Variants in PAMR1 observed in about 807,000 individuals in gnomAD.
The protein encoded by PAMR1 is inactive serine protease PAMR1.
PAMR1 carries 88 observed loss-of-function variants against 81.8 expected under a neutral mutation model. The observed-to-expected ratio is 1.08, with a 90% confidence interval of 0.91 to 1.28. The LOEUF (loss-of-function observed/expected upper bound fraction) is 1.28, where lower values mean the gene tolerates loss of function less well. Ranked by LOEUF, PAMR1 falls within the 50% of genes most tolerant of loss-of-function variation. PAMR1 has a pLI of 0.00. For missense variants in PAMR1, 935 were observed against 919.7 expected (o/e 1.02, Z -0.21); for synonymous variants, 336 against 345.3 (o/e 0.97, Z 0.30).
At chr11:35,515,066 A>G (rs1227162496) in intron 1 of PAMR1, among the ~76,000 whole-genome samples, 1 of 152,232 alleles carries the variant, frequency 6.6e-6, no homozygotes, top group Non-Finnish European at 1.5e-5. Flanking sequence ...TCAAAGCACT[A>G]GAATGACGAC....
chr11:35,487,292 A>G (rs373180404), intron 3 of PAMR1, among the ~76,000 whole-genome samples: 1 of 151,406 alleles, frequency 6.6e-6, no homozygotes, highest in African/African-American at 2.4e-5. Flanking sequence ...CTCTCTGACC[A>G]TAATACCCAT....
In PAMR1 at chr11:35,519,505, C is replaced by T. The variant is rs560477541; in HGVS notation, c.73+6008G>A. On this transcript the variant is annotated intron_variant, in intron 1 of 10. Transcript: ENST00000619888. Reference sequence around the variant, plus strand: ...ATGTGATTTGGATGATAAAAATTTACCATGGGACAAAGAAATTCTCACCTC... The same window carrying T: ...ATGTGATTTGGATGATAAAAATTTATCATGGGACAAAGAAATTCTCACCTC... Among the ~76,000 whole-genome samples, 14 of 152,292 alleles carry T rather than the reference C, an allele frequency of 9.2e-5. No individual in the cohort carries two copies. The East Asian group carries it at 2.7e-3, about 29-fold the overall frequency.
In PAMR1 at chr11:35,431,886, A is replaced by G. The variant is rs1855911575; in HGVS notation, c.*470T>C. ...AAATGTGTACAAGAGATGGGGAAGG[A>G]AAAGGACCAGACTGTACTGTGGCCA... On this transcript the variant is annotated 3_prime_UTR_variant, in exon 11 of 11. Transcript: ENST00000619888. 1 of 159,018 alleles carries G rather than the reference A, an allele frequency of 6.3e-6. No homozygotes were observed. The highest frequency in any genetic ancestry group is 1.4e-5 in the Non-Finnish European group (1 of 72,428). 9.9% of individuals were successfully genotyped at this position (159,018 alleles called of 1,614,324 possible).
chr11:35,498,075 C>T (rs1029075856), intron 1 of PAMR1, among the ~76,000 whole-genome samples: 1 of 152,290 alleles, frequency 6.6e-6, no homozygotes, highest in South Asian at 2.1e-4. Flanking sequence ...TCACATGCTC[C>T]TACCTGTGCC....
chr11:35,509,914 A>C (rs1851042021), intron 1 of PAMR1, among the ~76,000 whole-genome samples: 1 of 152,214 alleles, frequency 6.6e-6, no homozygotes, highest in African/African-American at 2.4e-5. Context: ...GCTGCAAATA[A>C]ATTTTACCTT....
intron 1 of PAMR1, among the ~76,000 whole-genome samples, chr11:35,522,140 C>T (rs137921718): frequency 0.05 from 7,567 of 152,108 alleles, 263 homozygotes; most frequent in Non-Finnish European, 0.071. Context: ...GCCAGGATGG[C>T]CTCGATCTCC....
upstream of PAMR1, among the ~76,000 whole-genome samples, chr11:35,528,185 A>C (rs625568): frequency 0.49 from 74,467 of 151,908 alleles, 18,606 homozygotes; most frequent in Middle Eastern, 0.57. Flanking sequence ...GCAGTTAAGA[A>C]GAAGTAGATA....
chr11:35,523,687 C>T (rs1267784673), intron 1 of PAMR1, among the ~76,000 whole-genome samples: 2 of 152,216 alleles, frequency 1.3e-5, no homozygotes, highest in Admixed American at 6.5e-5. Flanking sequence ...AGTGGACTTC[C>T]TTCACTCCTT....
chr11:35,482,578 T>G (rs895571788), intron 3 of PAMR1, among the ~76,000 whole-genome samples: 2 of 152,254 alleles, frequency 1.3e-5, no homozygotes, highest in Non-Finnish European at 1.5e-5. Flanking sequence ...GTGAAGAATG[T>G]CAATGATAGT....
chr11:35,526,038 C>A (rs1017168513), upstream of PAMR1: 3 of 178,764 alleles, frequency 1.7e-5, no homozygotes, highest in Admixed American at 1.1e-4. Context: ...CCCTCTCTGA[C>A]TGCACGCGGG....
intron 4 of PAMR1, among the ~76,000 whole-genome samples, chr11:35,472,286 G>A (rs2078418902): frequency 6.6e-6 from 1 of 152,192 alleles, no homozygotes; most frequent in Non-Finnish European, 1.5e-5. Context: ...AGAAGCCACA[G>A]TTTTTTCCGA....
intron 1 of PAMR1, among the ~76,000 whole-genome samples, chr11:35,502,822 GCA>G (rs1381393064): frequency 1.4e-5 from 1 of 72,016 alleles, no homozygotes; most frequent in Non-Finnish European, 2.9e-5. Flanking sequence ...CCTTTGCTGT[GCA>G]GAAGCCTTTA....
At chr11:35,521,681 C>T (rs1454766567) in intron 1 of PAMR1, among the ~76,000 whole-genome samples, 1 of 152,144 alleles carries the variant, frequency 6.6e-6, no homozygotes, top group Admixed American at 6.5e-5. Context: ...TCTCTTTCCC[C>T]TGCTTCATGT....
At chr11:35,515,040 A>G (rs912832675) in intron 1 of PAMR1, among the ~76,000 whole-genome samples, 1 of 152,224 alleles carries the variant, frequency 6.6e-6, no homozygotes, top group East Asian at 1.9e-4. Flanking sequence ...ATACAATTCA[A>G]CAAATATTAT....
intron 8 of PAMR1, 136 bp from the exon 9 acceptor site, chr11:35,436,271 A>G (rs1856042064): frequency 1.6e-6 from 1 of 628,140 alleles, no homozygotes; most frequent in Admixed American, 2.7e-5. Flanking sequence ...GTCTCTCTCT[A>G]TCTCTCTCTC....
At chr11:35,481,243 A>C (rs1211087859) in intron 3 of PAMR1, among the ~76,000 whole-genome samples, 1 of 152,172 alleles carries the variant, frequency 6.6e-6, no homozygotes, top group African/African-American at 2.4e-5. Flanking sequence ...GCTGGGTCAA[A>C]TGGTATTTCT....
intron 6 of PAMR1, among the ~76,000 whole-genome samples, chr11:35,446,560 G>T (rs925224402): frequency 6.6e-6 from 1 of 152,154 alleles, no homozygotes; most frequent in Non-Finnish European, 1.5e-5. Context: ...TGGTTTCAAA[G>T]AACTTCTTGA....
chr11:35,443,227 G>A (rs574168721), intron 6 of PAMR1, among the ~76,000 whole-genome samples: 30 of 150,882 alleles, frequency 2.0e-4, no homozygotes, highest in Admixed American at 5.3e-4. Flanking sequence ...ATTAAGCTCC[G>A]GATACAGGTG....
At chr11:35,436,655 G>GTC (rs1023775429) in intron 8 of PAMR1, among the ~76,000 whole-genome samples, 15 of 119,766 alleles carry the variant, frequency 1.3e-4, no homozygotes, top group African/African-American at 4.8e-4. Context: ...CTCTCTCTCT[G>GTC]TCACACACAC....
Sources: allele counts gnomAD v4.1 joint callset (sites outside exome capture counted in the v4.1 genomes callset), GRCh38; gene constraint gnomAD v4.1.1; transcripts MANE v1.5; gene names NCBI Gene and HGNC (gene_info 2026-07-23, HGNC 2026-07-21).